NDUFB2: variants seen among roughly 807,000 people sequenced by gnomAD.
NDUFB2 encodes NADH:ubiquinone oxidoreductase subunit B2.
A neutral mutation model predicts 13.4 loss-of-function variants in NDUFB2; 13 were observed. That is an observed-to-expected ratio of 0.97 (90% CI 0.63 to 1.54). NDUFB2 has a LOEUF of 1.54. NDUFB2 is among the 40% of genes most tolerant of loss of function. The pLI is 0.00. For missense variants in NDUFB2, 150 were observed against 139.7 expected, an observed-to-expected ratio of 1.07 and a Z score of -0.37; for synonymous variants, 47 against 50.6, an observed-to-expected ratio of 0.93 and a Z score of 0.30.
intron 3 of NDUFB2, chr7:140,706,060 T>TTATGTTATG (rs1794967299): frequency 4.0e-5 from 5 of 125,038 alleles, no homozygotes; most frequent in East Asian, 2.2e-4. Context: ...TATGTTATGT[T>TTATGTTATG]TTATGTTATG....
At chr7:140,697,168 G>C (rs1794821701) in intron 1 of NDUFB2, 2 of 597,434 alleles carry the variant, frequency 3.3e-6, no homozygotes, top group African/African-American at 1.9e-5. Context: ...GGCGGAGGAA[G>C]CAGCGTGCGC....
chr7:140,700,524 C>T (rs1387217873), intron 1 of NDUFB2, among the ~76,000 whole-genome samples: 2 of 151,894 alleles, frequency 1.3e-5, no homozygotes, highest in African/African-American at 4.8e-5. Flanking sequence ...CAGTGTGGCT[C>T]ACGCCTATAA....
chr7:140,696,922 G>A, intron 1 of NDUFB2, 80 bp downstream of exon 1: 1 of 1,359,760 alleles, frequency 7.4e-7, no homozygotes, highest in Non-Finnish European at 1.0e-6. Flanking sequence ...CACCTTGACT[G>A]GGGCGCCTGA....
chr7:140,701,204 A>G (rs1470844526), intron 1 of NDUFB2: 1 of 152,254 alleles, frequency 6.6e-6, no homozygotes, highest in Non-Finnish European at 1.5e-5. Context: ...ATAAAAGGAG[A>G]AAATTGTTAA....
chr7:140,704,324 G>A (rs1794937451), intron 2 of NDUFB2, among the ~76,000 whole-genome samples: 1 of 152,156 alleles, frequency 6.6e-6, no homozygotes, highest in African/African-American at 2.4e-5. Flanking sequence ...CTGCCTGGGT[G>A]TCTGTGAACT....
chr7:140,701,619 G>A (rs968242297), intron 1 of NDUFB2, among the ~76,000 whole-genome samples: 3 of 151,814 alleles, frequency 2.0e-5, no homozygotes, highest in African/African-American at 4.8e-5. Flanking sequence ...TAGCCTGGGC[G>A]ACAGAGCCTA....
chr7:140,697,324 T>C (rs1275882149), intron 1 of NDUFB2: 1 of 702,788 alleles, frequency 1.4e-6, no homozygotes, highest in African/African-American at 1.7e-5. Flanking sequence ...ACGTGGCCGC[T>C]TTTTAATGCT....
intron 2 of NDUFB2, 95 bp downstream of exon 2, chr7:140,703,105 G>C: frequency 6.7e-7 from 1 of 1,485,306 alleles, no homozygotes; most frequent in South Asian, 1.3e-5. Context: ...CCATTTTTCT[G>C]TCTGGACATC....
Position 140,702,908 on chromosome 7 carries a change from C to T in NDUFB2, c.141C>T (p.Phe47=), listed in dbSNP as rs763844932. The T allele has an allele frequency of 5.0e-6, 8 of 1,613,860 alleles. No individual in the cohort carries two copies. The East Asian group carries it at 1.3e-4, about 27-fold the overall frequency. The change falls in exon 2 of 4, where the codon TTC becomes TTT. Residue 47 remains phenylalanine (F), a synonymous_variant. Coordinates refer to ENST00000247866, the MANE Select transcript of NDUFB2 (RefSeq NM_004546.3). ...GVHIEPRYRQ[F]PQLTRSQVFQ... ...ACATTGAGCCCCGGTATAGACAGTT[C>T]CCCCAGCTGACCAGATCCCAGGTGT...
exon 4 of NDUFB2, chr7:140,706,641 TGA>T (rs1233418335): frequency 2.3e-5 from 3 of 129,948 alleles, no homozygotes; most frequent in East Asian, 4.7e-4. Flanking sequence ...TGGTCAAGAA[TGA>T]GAATGGAGTT....
intron 1 of NDUFB2, among the ~76,000 whole-genome samples, chr7:140,701,557 G>T (rs1255643096): frequency 2.0e-5 from 3 of 152,086 alleles, no homozygotes; most frequent in Non-Finnish European, 4.4e-5. Flanking sequence ...GAGCCCAGGA[G>T]GTGCTCAGTC....
intron 1 of NDUFB2, chr7:140,701,770 TAAAAA>T (rs111296452): frequency 1.9e-5 from 5 of 259,712 alleles, no homozygotes; most frequent in Admixed American, 5.7e-5. Context: ...CCGTCTCTAC[TAAAAA>T]AAAAACAAAA....
chr7:140,704,775 T>TC, intron 2 of NDUFB2, 85 bp from the exon 3 acceptor site: 1 of 973,624 alleles, frequency 1.0e-6, no homozygotes, highest in Non-Finnish European at 1.5e-6. Flanking sequence ...TTTTTTTTTT[T>TC]CTTTCCAAGA....
intron 1 of NDUFB2, chr7:140,698,020 T>TG: frequency 7.8e-7 from 1 of 1,290,114 alleles, no homozygotes; most frequent in South Asian, 1.2e-5. Context: ...TTAAAACAAT[T>TG]GCTGGTGCCT....
At chr7:140,699,113 G>A (rs369848995) in intron 1 of NDUFB2, among the ~76,000 whole-genome samples, 5 of 152,126 alleles carry the variant, frequency 3.3e-5, no homozygotes, top group African/African-American at 1.2e-4. Context: ...AGCCGAGATC[G>A]TGCCACTGCA....
chr7:140,697,494 G>A (rs1794830743), intron 1 of NDUFB2: 2 of 689,526 alleles, frequency 2.9e-6, no homozygotes, highest in Non-Finnish European at 5.3e-6. Flanking sequence ...GCAGACCGGA[G>A]GGCGGAGGGC....
At chr7:140,698,343 T>C in intron 1 of NDUFB2, 6 of 1,341,808 alleles carry the variant, frequency 4.5e-6, no homozygotes, top group Non-Finnish European at 5.9e-6. Context: ...ATGGAGCATC[T>C]TCTATATGGC....
In NDUFB2 at chr7:140,696,714, G is replaced by A. The variant is rs1232119047; in HGVS notation, c.-31G>A. On this transcript the variant is annotated 5_prime_UTR_variant, in exon 1 of 4. Transcript: ENST00000247866. ...AAGCGAAGTAGGCAGGGGCGAGGCGGCTGGGGACCGCGGGGCGGACGGGAG... is the reference window on the plus strand; with the variant it reads ...AAGCGAAGTAGGCAGGGGCGAGGCGACTGGGGACCGCGGGGCGGACGGGAG... 7.7e-6 allele frequency: 12 copies of A among 1,553,826 alleles called. No individual in the cohort carries two copies. The highest frequency in any genetic ancestry group is 2.7e-5 in the African/African-American group (2 of 73,380).
chr7:140,705,768 C>G (rs1473759211), intron 3 of NDUFB2: 1 of 152,214 alleles, frequency 6.6e-6, no homozygotes, highest in South Asian at 2.1e-4. Context: ...TACGTAGCTG[C>G]AAAACTACAG....
Sources: gnomAD v4.1 joint callset for allele counts (sites outside exome capture counted in the v4.1 genomes callset) on GRCh38, gnomAD v4.1.1 for gene constraint, MANE v1.5 for transcripts, NCBI Gene and HGNC (gene_info 2026-07-23, HGNC 2026-07-21) for gene names.